Variants in TBXAS1 observed in about 807,000 individuals in gnomAD.
TBXAS1 encodes thromboxane-A synthase.
TBXAS1 carries 48 observed loss-of-function variants against 60.7 expected under a neutral mutation model. That is an observed-to-expected ratio of 0.79 (90% CI 0.63 to 1.01). The LOEUF is 1.01. Ranked by LOEUF, TBXAS1 falls within the 50% of genes least tolerant of loss-of-function variation. The pLI is 0.00. For synonymous variants in TBXAS1, 287 were observed against 269.7 expected (o/e 1.06, Z -0.63); for missense variants, 685 against 686.3 (o/e 1.00, Z 0.02).
At position 140,015,832 on chromosome 7, in the gene TBXAS1, C is replaced by T; in HGVS notation, c.1336C>T (p.Pro446Ser). The T allele has an allele frequency of 6.2e-7, 1 of 1,613,864 alleles. No homozygotes were observed. Among genetic ancestry groups the T allele is most frequent in the Admixed American group, 1.7e-5 (1 of 60,028 alleles). Residue 446 changes from proline to serine, a missense_variant, in exon 11 of 13, where the codon CCA becomes TCA. Coordinates refer to ENST00000448866, the MANE Select transcript of TBXAS1 (RefSeq NM_001061.7). ...GALHHDPEHW[P>S]SPETFNPERF... is the part of the protein sequence containing the mutation. ...CCTGCACCATGACCCTGAGCACTGG[C>T]CAAGCCCGGAGACCTTCAACCCTGA...
chr7:139,904,694 A>AT (rs1804835107), intron 3 of TBXAS1, among the ~76,000 whole-genome samples: 1 of 151,654 alleles, frequency 6.6e-6, no homozygotes, highest in Non-Finnish European at 1.5e-5. Flanking sequence ...AAGTATTTTT[A>AT]TTTTTTTGCA....
chr7:139,974,320 C>T (rs2117463095), intron 9 of TBXAS1, among the ~76,000 whole-genome samples: 2 of 152,314 alleles, frequency 1.3e-5, no homozygotes, highest in South Asian at 4.1e-4. Context: ...CAGAGGCAGG[C>T]ACTGCCTCTC....
rs3070196 is a variant in TBXAS1, at chr7:139,843,320, C to CTTTATTTATTTA, written c.89+13870_89+13881dup. ...GGCTATCTCGGCACTTACTACTTTA[C>CTTTATTTATTTA]TTTATTTATTTATTTATTTATTTAT... On this transcript the variant is annotated intron_variant, in intron 1 of 12. Transcript: ENST00000448866. 1.5e-3 allele frequency among the ~76,000 whole-genome samples: 228 copies of CTTTATTTATTTA among 147,892 alleles called. 2 individuals carry two copies. Among genetic ancestry groups the CTTTATTTATTTA allele is most frequent in the Admixed American group, 2.0e-3 (30 of 14,910 alleles).
Position 139,779,268 on chromosome 7 carries a change from C to T in TBXAS1, c.-318+797C>T, listed in dbSNP as rs116325889. ...GTCTCCATCCTCCGTTCCCATCCTT[C>T]AGTCCTTCCCAAAAAAGGCAAGCTC... On this transcript the variant is annotated intron_variant, in intron 1 of 16. Coordinates refer to the TBXAS1 transcript ENST00000336425. Among the ~76,000 whole-genome samples the T allele has an allele frequency of 4.1e-3, 627 of 152,352 alleles. 4 individuals are homozygous for T. Among genetic ancestry groups the T allele is most frequent in the African/African-American group, 0.013 (540 of 41,588 alleles).
At chr7:139,992,754 G>A (rs1197958087) in intron 9 of TBXAS1, among the ~76,000 whole-genome samples, 10 of 152,242 alleles carry the variant, frequency 6.6e-5, no homozygotes, top group Non-Finnish European at 1.5e-4. Context: ...GGAGTGATTA[G>A]CTCTGCACAA....
chr7:139,890,034 G>A (rs1226698085), intron 3 of TBXAS1, among the ~76,000 whole-genome samples: 4 of 152,158 alleles, frequency 2.6e-5, no homozygotes, highest in East Asian at 1.9e-4. Flanking sequence ...TCCAACAATC[G>A]AATGGGGTGT....
intron 9 of TBXAS1, among the ~76,000 whole-genome samples, chr7:139,995,568 T>C (rs1024980664): frequency 2.6e-5 from 4 of 152,312 alleles, no homozygotes; most frequent in African/African-American, 7.2e-5. Flanking sequence ...CTCCTGTTGA[T>C]GAGGGACCTA....
chr7:139,814,601 G>A (rs1378574429), intron 4 of TBXAS1, among the ~76,000 whole-genome samples: 2 of 152,106 alleles, frequency 1.3e-5, no homozygotes, highest in Non-Finnish European at 2.9e-5. Flanking sequence ...GAGTTCCAAG[G>A]CCTCACTGAA....
At chr7:139,898,961 T>C (rs1804343726) in intron 3 of TBXAS1, among the ~76,000 whole-genome samples, 1 of 151,146 alleles carries the variant, frequency 6.6e-6, no homozygotes, top group Non-Finnish European at 1.5e-5. Context: ...CAGCCGCCAC[T>C]CTGCCTCTGA....
chr7:139,791,186 G>A (rs1217576284), intron 4 of TBXAS1, among the ~76,000 whole-genome samples: 1 of 152,194 alleles, frequency 6.6e-6, no homozygotes, highest in East Asian at 1.9e-4. Flanking sequence ...CCTCAGTTAG[G>A]TAACACTAGT....
intron 4 of TBXAS1, among the ~76,000 whole-genome samples, chr7:139,920,622 G>A (rs555618015): frequency 7.7e-4 from 118 of 152,288 alleles, no homozygotes; most frequent in Non-Finnish European, 1.4e-3. Flanking sequence ...CAATCCACCC[G>A]CAACGTGTGG....
chr7:139,802,551 G>A (rs1797747745), intron 4 of TBXAS1, among the ~76,000 whole-genome samples: 1 of 152,208 alleles, frequency 6.6e-6, no homozygotes, highest in Admixed American at 6.5e-5. Flanking sequence ...TTGGGAGGCT[G>A]AAGTGGGTAG....
chr7:139,930,447 A>G (rs1447677375), intron 4 of TBXAS1, among the ~76,000 whole-genome samples: 1 of 152,152 alleles, frequency 6.6e-6, no homozygotes, highest in East Asian at 1.9e-4. Flanking sequence ...TCCCCATTTT[A>G]CAGATTGAGA....
chr7:139,870,626 C>T (rs1219898175), intron 1 of TBXAS1, among the ~76,000 whole-genome samples: 1 of 152,200 alleles, frequency 6.6e-6, no homozygotes, highest in African/African-American at 2.4e-5. Context: ...ACGTGTGGCT[C>T]TTGAGTGTGG....
intron 3 of TBXAS1, among the ~76,000 whole-genome samples, chr7:139,883,777 C>T (rs1185925023): frequency 6.6e-6 from 1 of 152,186 alleles, no homozygotes; most frequent in African/African-American, 2.4e-5. Flanking sequence ...ATATTAACCA[C>T]ATTGTTATCT....
chr7:139,900,369 C>G (rs992931652), intron 3 of TBXAS1, among the ~76,000 whole-genome samples: 5 of 152,164 alleles, frequency 3.3e-5, no homozygotes, highest in South Asian at 2.1e-4. Context: ...GAACCCGGAT[C>G]CCACCTGCTA....
chr7:140,005,912 C>T (rs535676023), intron 9 of TBXAS1, among the ~76,000 whole-genome samples: 4 of 152,332 alleles, frequency 2.6e-5, no homozygotes, highest in Admixed American at 2.0e-4. Context: ...CCGGGTGATG[C>T]TGCTGCTGCT....
rs533141429 is a variant in TBXAS1 at position 139,975,897 on chromosome 7, A to G, written c.1134+13664A>G. 6.6e-6 allele frequency among the ~76,000 whole-genome samples: 1 copy of G among 152,318 alleles called. No homozygotes were observed. Among genetic ancestry groups the G allele is most frequent in the Admixed American group, 6.5e-5 (1 of 15,312 alleles). ...ACGCTTAACCCACATAGGGAAGAAC[A>G]TTCCTGAAACAGAGACGTCACCCAG... On this transcript the variant is annotated intron_variant, in intron 9 of 12. Transcript: ENST00000448866. The surrounding 1 kb of genome is among the most constrained non-coding windows in gnomAD (Gnocchi z 4.4).
intron 4 of TBXAS1, among the ~76,000 whole-genome samples, chr7:139,799,542 G>A (rs1204846307): frequency 3.3e-5 from 5 of 152,040 alleles, no homozygotes; most frequent in South Asian, 4.1e-4. Flanking sequence ...TTTTTGTAGA[G>A]ATGGGTTTTT....
Sources: gnomAD v4.1 joint callset for allele counts (sites outside exome capture counted in the v4.1 genomes callset) on GRCh38, gnomAD v4.1.1 for gene constraint, Gnocchi (gnomAD v3.1) non-coding constraint, MANE v1.5 for transcripts, NCBI Gene and HGNC (gene_info 2026-07-23, HGNC 2026-07-21) for gene names.